Variants in STAU2 observed in about 807,000 individuals in gnomAD.
STAU2 encodes double-stranded RNA-binding protein Staufen homolog 2.
Under a neutral mutation model 65.9 loss-of-function variants are expected in STAU2, and 20 were observed. That is an observed-to-expected ratio of 0.30 (90% CI 0.21 to 0.44). The LOEUF (loss-of-function observed/expected upper bound fraction) is 0.44. STAU2 is among the 20% of genes least tolerant of loss of function. STAU2 has a pLI of 1.00. For missense variants in STAU2, 558 were observed against 683.9 expected (o/e 0.82, Z 2.05); for synonymous variants, 232 against 233.9 (o/e 0.99, Z 0.07).
At chr8:73,690,247 T>G (rs1819232396) in intron 4 of STAU2, among the ~76,000 whole-genome samples, 1 of 144,060 alleles carries the variant, frequency 6.9e-6, no homozygotes, top group African/African-American at 2.6e-5. Context: ...GAGAATGGCA[T>G]GAACCCAGGA....
Position 73,594,028 on chromosome 8 carries a change from C to T in STAU2, c.1161+1138G>A, listed in dbSNP as rs75179737. Among the ~76,000 whole-genome samples the T allele has an allele frequency of 4.0e-3, 605 of 152,236 alleles. 6 individuals carry two copies. Among genetic ancestry groups the T allele is most frequent in the African/African-American group, 0.014 (574 of 41,538 alleles). ...GTTGTGTTTGCTTTCACTTAATTTA[C>T]AAATACATGTCTGTGAGGAGATTTA... On this transcript the variant is annotated intron_variant, in intron 11 of 14. Coordinates refer to ENST00000524300, the MANE Select transcript of STAU2 (RefSeq NM_001164380.2).
intron 13 of STAU2, among the ~76,000 whole-genome samples, chr8:73,509,969 G>A (rs1585901152): frequency 2.0e-5 from 3 of 152,302 alleles, no homozygotes; most frequent in South Asian, 2.1e-4. Context: ...CAGGTAGTAA[G>A]CAAAGCATTA....
chr8:73,701,095 A>G (rs1024164215), intron 4 of STAU2, among the ~76,000 whole-genome samples: 1 of 152,090 alleles, frequency 6.6e-6, no homozygotes, highest in Non-Finnish European at 1.5e-5. Flanking sequence ...CTAGACCCCT[A>G]TCTCTTGCCA....
At chr8:73,485,800 C>T (rs1820881264) in intron 13 of STAU2, among the ~76,000 whole-genome samples, 1 of 152,114 alleles carries the variant, frequency 6.6e-6, no homozygotes, top group Non-Finnish European at 1.5e-5. Flanking sequence ...TGCCACAGCA[C>T]TCCAGCCTGG....
At chr8:73,738,666 C>G (rs989990812) in intron 2 of STAU2, among the ~76,000 whole-genome samples, 1 of 152,170 alleles carries the variant, frequency 6.6e-6, no homozygotes, top group Middle Eastern at 3.2e-3. Context: ...AACAAAGCTC[C>G]TTCTGCTTCT....
intron 13 of STAU2, among the ~76,000 whole-genome samples, chr8:73,520,646 T>G (rs767595140): frequency 6.6e-5 from 10 of 152,120 alleles, no homozygotes; most frequent in Non-Finnish European, 1.5e-4. Context: ...GCTGGAGGGG[T>G]TCCTGGTACA....
chr8:73,609,255 C>A (rs1417511469), intron 9 of STAU2, among the ~76,000 whole-genome samples: 3 of 151,762 alleles, frequency 2.0e-5, no homozygotes, highest in Non-Finnish European at 2.9e-5. Context: ...AGACTGAGAA[C>A]TTCACTGTTG....
At chr8:73,725,040 GT>G (rs1051678001) in intron 3 of STAU2, among the ~76,000 whole-genome samples, 45 of 152,076 alleles carry the variant, frequency 3.0e-4, no homozygotes, top group African/African-American at 1.1e-3. Flanking sequence ...CTTACAATGG[GT>G]TTATCAGGAC....
chr8:73,603,902 G>A (rs912158831), intron 9 of STAU2, 39 bp from the exon 10 acceptor site: 1 of 1,566,558 alleles, frequency 6.4e-7, no homozygotes, highest in Non-Finnish European at 8.6e-7. Flanking sequence ...AAATATGCTT[G>A]TGAAACCTGT....
chr8:73,523,952 T>C (rs1823204961), intron 13 of STAU2, among the ~76,000 whole-genome samples: 1 of 151,982 alleles, frequency 6.6e-6, no homozygotes, highest in African/African-American at 2.4e-5. Flanking sequence ...GACGCTGAGG[T>C]GGGAGGATTG....
intron 6 of STAU2, among the ~76,000 whole-genome samples, chr8:73,668,168 C>T (rs1817373744): frequency 6.6e-6 from 1 of 152,172 alleles, no homozygotes; most frequent in Admixed American, 6.5e-5. Flanking sequence ...ACCTTCTTCA[C>T]TACAAGTCTA....
chr8:73,708,408 TA>T (rs1184003015), intron 4 of STAU2, among the ~76,000 whole-genome samples: 32 of 152,272 alleles, frequency 2.1e-4, no homozygotes, highest in African/African-American at 7.2e-4. Context: ...AGCTCAAACA[TA>T]AATGCATTAG....
chr8:73,632,156 G>A (rs1814142975), intron 6 of STAU2, among the ~76,000 whole-genome samples: 1 of 151,958 alleles, frequency 6.6e-6, no homozygotes, highest in African/African-American at 2.4e-5. Context: ...ATAGACGATT[G>A]AAAGCTGACA....
intron 13 of STAU2, among the ~76,000 whole-genome samples, chr8:73,462,293 C>T (rs1342023179): frequency 1.3e-5 from 2 of 151,872 alleles, no homozygotes; most frequent in East Asian, 3.9e-4. Context: ...AGGGTTTTCC[C>T]ATGTTGGCAT....
intron 12 of STAU2, among the ~76,000 whole-genome samples, chr8:73,566,419 T>A (rs1196144062): frequency 1.3e-5 from 2 of 152,190 alleles, no homozygotes; most frequent in African/African-American, 2.4e-5. Flanking sequence ...CAATCTGGTA[T>A]CTGAAACAAT....
At chr8:73,518,053 G>T (rs1822835525) in intron 13 of STAU2, among the ~76,000 whole-genome samples, 1 of 152,132 alleles carries the variant, frequency 6.6e-6, no homozygotes, top group African/African-American at 2.4e-5. Context: ...TAAAAAAAAA[G>T]TTCTGCTCAG....
intron 13 of STAU2, among the ~76,000 whole-genome samples, chr8:73,514,282 T>C (rs1438026487): frequency 1.3e-5 from 2 of 152,208 alleles, no homozygotes; most frequent in East Asian, 1.9e-4. Context: ...TAAATTCCTA[T>C]GATAGAAGCC....
intron 1 of STAU2, chr8:73,742,078 C>T (rs1301638150): frequency 8.1e-6 from 3 of 370,126 alleles, no homozygotes; most frequent in Non-Finnish European, 1.1e-5. Context: ...GTAATTATAC[C>T]ATGGACAATT....
chr8:73,721,374 C>T (rs1821675886), intron 3 of STAU2, among the ~76,000 whole-genome samples: 1 of 135,202 alleles, frequency 7.4e-6, no homozygotes, highest in African/African-American at 2.8e-5. Flanking sequence ...AACTTGTGAA[C>T]AAATACGTAT....
Sources: allele counts gnomAD v4.1 joint callset (sites outside exome capture counted in the v4.1 genomes callset), GRCh38; gene constraint gnomAD v4.1.1; transcripts MANE v1.5; gene names NCBI Gene and HGNC (gene_info 2026-07-23, HGNC 2026-07-21).